RIPOR2: variants seen among roughly 807,000 people sequenced by gnomAD.
RIPOR2 encodes the protein RHO family interacting cell polarization regulator 2, also known as rho family-interacting cell polarization regulator 2.
RIPOR2 carries 39 observed loss-of-function variants against 114.5 expected under a neutral mutation model. The ratio of observed to expected loss-of-function variants is 0.34; its 90% CI spans 0.26 to 0.44. The LOEUF (loss-of-function observed/expected upper bound fraction) is 0.44, where lower values mean the gene tolerates loss of function less well. Among genes scored for constraint, RIPOR2 ranks in the 20% least tolerant of loss-of-function variants. RIPOR2 has a pLI of 1.00. For missense variants in RIPOR2, 1,007 were observed against 1,255.1 expected, an observed-to-expected ratio of 0.80 and a Z score of 2.99; for synonymous variants, 445 against 484.4, an observed-to-expected ratio of 0.92 and a Z score of 1.07.
At chr6:24,912,127 G>C (rs1769667523) in intron 1 of RIPOR2, among the ~76,000 whole-genome samples, 1 of 152,146 alleles carries the variant, frequency 6.6e-6, no homozygotes. Context: ...ACAACAGAAA[G>C]GGCAAAATCG....
chr6:24,932,641 G>A (rs779750899), intron 1 of RIPOR2, among the ~76,000 whole-genome samples: 25 of 151,992 alleles, frequency 1.6e-4, no homozygotes, highest in Admixed American at 3.9e-4. Flanking sequence ...TTTCTTCCCA[G>A]ATCTTTATAG....
chr6:24,876,659 T>C (rs528009239), intron 1 of RIPOR2, among the ~76,000 whole-genome samples: 1 of 152,116 alleles, frequency 6.6e-6, no homozygotes, highest in South Asian at 2.1e-4. Flanking sequence ...ACTGTGACAG[T>C]GCAAAATAAG....
chr6:24,884,159 A>T (rs1015299463), intron 1 of RIPOR2, among the ~76,000 whole-genome samples: 4 of 152,246 alleles, frequency 2.6e-5, no homozygotes, highest in Non-Finnish European at 4.4e-5. Flanking sequence ...CTGTAATCCC[A>T]GCACTTTGGG....
intron 1 of RIPOR2, among the ~76,000 whole-genome samples, chr6:24,894,676 G>C (rs1444117503): frequency 1.3e-5 from 2 of 152,176 alleles, no homozygotes; most frequent in East Asian, 3.9e-4. Context: ...CCGTCCCCAG[G>C]CGTTTTACTT....
At chr6:24,921,905 C>T (rs139600027) in intron 1 of RIPOR2, among the ~76,000 whole-genome samples, 2,540 of 152,072 alleles carry the variant, frequency 0.017, 31 homozygotes, top group Non-Finnish European at 0.024. Flanking sequence ...TCTCGGCTCA[C>T]TGCAACCTCC....
At chr6:24,976,635 T>C in intron 1 of RIPOR2, 3 of 1,609,774 alleles carry the variant, frequency 1.9e-6, no homozygotes, top group South Asian at 1.1e-5. Flanking sequence ...GTTATAAGGG[T>C]TCCTGCTTTC....
At chr6:24,859,485 C>G (rs556951404) in intron 8 of RIPOR2, among the ~76,000 whole-genome samples, 1 of 152,046 alleles carries the variant, frequency 6.6e-6, no homozygotes, top group Non-Finnish European at 1.5e-5. Context: ...TATGGACCTG[C>G]GTGATTTTGG....
At chr6:24,915,315 C>T (rs1035113791) in intron 1 of RIPOR2, among the ~76,000 whole-genome samples, 1 of 151,266 alleles carries the variant, frequency 6.6e-6, no homozygotes, top group African/African-American at 2.4e-5. Flanking sequence ...TTGAATTCTT[C>T]ATTTGCTGCT....
In RIPOR2 at chr6:24,877,377, T is replaced by C. The variant is rs890253723; in HGVS notation, c.62-1560A>G. The stretch of plus-strand genomic sequence containing the variant: ...TGCGAGGTACAGGTGCTGACTCACT[T>C]GGCTACAGGTATGGCAATCGGCTTG... On this transcript the variant is annotated intron_variant, in intron 1 of 21. Coordinates refer to ENST00000643898, the MANE Select transcript of RIPOR2 (RefSeq NM_001286445.3). 8.1e-5 allele frequency: 80 copies of C among 985,212 alleles called. No homozygotes were observed. The African/African-American group carries it at 1.4e-3, about 17-fold the overall frequency. 61.0% of individuals were successfully genotyped at this position (985,212 alleles called of 1,614,324 possible). A position where few individuals can be genotyped will look rare whatever the true frequency, so the allele number is the denominator to read the frequency against.
At chr6:25,003,082 G>C (rs1157193902) in intron 1 of RIPOR2, among the ~76,000 whole-genome samples, 1 of 152,142 alleles carries the variant, frequency 6.6e-6, no homozygotes, top group Non-Finnish European at 1.5e-5. Flanking sequence ...TATAAAACAT[G>C]TTTACGATTC....
intron 1 of RIPOR2, chr6:24,877,437 A>G: frequency 1.4e-6 from 1 of 721,088 alleles, no homozygotes; most frequent in Non-Finnish European, 1.7e-6. Context: ...ATCCCATACT[A>G]GCTGGGGAGG....
chr6:24,852,264 A>G (rs1763033166), intron 9 of RIPOR2, among the ~76,000 whole-genome samples: 1 of 152,102 alleles, frequency 6.6e-6, no homozygotes, highest in Non-Finnish European at 1.5e-5. Context: ...TCCATCTCAA[A>G]ATAAAAAATA....
At chr6:24,985,356 C>T (rs1774484083) in intron 1 of RIPOR2, among the ~76,000 whole-genome samples, 1 of 115,240 alleles carries the variant, frequency 8.7e-6, no homozygotes, top group South Asian at 3.4e-4. Context: ...ACCAGGGGCT[C>T]CATAGACCAA....
intron 1 of RIPOR2, among the ~76,000 whole-genome samples, chr6:24,923,413 A>T (rs976557790): frequency 3.9e-5 from 6 of 152,146 alleles, no homozygotes; most frequent in Non-Finnish European, 7.4e-5. Flanking sequence ...ATCACCTGGC[A>T]ATTCTATTTT....
At chr6:24,840,347 G>C in intron 13 of RIPOR2, 1 of 1,109,082 alleles carries the variant, frequency 9.0e-7, no homozygotes, top group South Asian at 2.3e-5. Flanking sequence ...AAGGGAACAA[G>C]TCCCACCACT....
In RIPOR2 at chr6:24,855,740, G is replaced by A. The variant is rs1048433494; in HGVS notation, c.716-3122C>T. Reference sequence around the variant, plus strand: ...CTTCTACAAATAGCCCTGTTAGTACGCTGGAGACTCTTGGCCAGGCATGGT... The same window carrying A: ...CTTCTACAAATAGCCCTGTTAGTACACTGGAGACTCTTGGCCAGGCATGGT... On this transcript the variant is annotated intron_variant, in intron 8 of 21. Coordinates refer to ENST00000643898, the MANE Select transcript of RIPOR2 (RefSeq NM_001286445.3). 1.2e-4 allele frequency among the ~76,000 whole-genome samples: 19 copies of A among 152,274 alleles called. 1 individual carries two copies. Among genetic ancestry groups the A allele is most frequent in the Middle Eastern group, 6.8e-3 (2 of 294 alleles).
intron 9 of RIPOR2, 70 bp from the exon 10 acceptor site, chr6:24,850,792 A>G (rs2113778759): frequency 6.4e-7 from 1 of 1,568,070 alleles, no homozygotes; most frequent in African/African-American, 1.3e-5. Context: ...ACCAAGATCA[A>G]AAGGAGAAAG....
chr6:24,917,687 G>C (rs901264087), intron 1 of RIPOR2, among the ~76,000 whole-genome samples: 1 of 152,054 alleles, frequency 6.6e-6, no homozygotes, highest in Non-Finnish European at 1.5e-5. Flanking sequence ...GTACCACCAG[G>C]CCTGGCTAAT....
At chr6:24,968,074 G>A (rs549206587) in intron 1 of RIPOR2, among the ~76,000 whole-genome samples, 3 of 151,862 alleles carry the variant, frequency 2.0e-5, no homozygotes, top group Admixed American at 6.6e-5. Context: ...CACCACACCT[G>A]GCTCTATTTT....
Sources: gnomAD v4.1 joint callset for allele counts (sites outside exome capture counted in the v4.1 genomes callset) on GRCh38, gnomAD v4.1.1 for gene constraint, MANE v1.5 for transcripts, NCBI Gene and HGNC (gene_info 2026-07-23, HGNC 2026-07-21) for gene names.